The following AUTS2 variants were observed in gnomAD, a reference collection of about 807,000 sequenced individuals.
AUTS2 encodes activator of transcription and developmental regulator AUTS2.
Under a neutral mutation model 112.4 loss-of-function variants are expected in AUTS2, and 17 were observed. That is an observed-to-expected ratio of 0.15 (90% CI 0.10 to 0.23). AUTS2 has a LOEUF of 0.23. AUTS2 is among the 10% of genes least tolerant of loss of function. The pLI is 1.00. For synonymous variants in AUTS2, 751 were observed against 702.7 expected, an observed-to-expected ratio of 1.07 and a Z score of -1.09; for missense variants, 1,510 against 1,701.6, an observed-to-expected ratio of 0.89 and a Z score of 1.98.
At chr7:70,485,158 T>C (rs1428749453) in intron 5 of AUTS2, among the ~76,000 whole-genome samples, 1 of 152,110 alleles carries the variant, frequency 6.6e-6, no homozygotes, top group Middle Eastern at 3.2e-3. Context: ...AAAGAAGTCA[T>C]ATGAAAAAGA....
At position 70,118,226 on chromosome 7, in the gene AUTS2, TC is replaced by T; in HGVS notation, c.618del (p.Ser207ValfsTer39). The T allele has an allele frequency of 6.5e-7, 1 of 1,530,254 alleles. No homozygotes were observed. The highest frequency in any genetic ancestry group is 8.8e-7 in the Non-Finnish European group (1 of 1,142,176). The allele number at this position is 1,530,254 out of a possible 1,614,324, so 94.8% of individuals were successfully genotyped here. ...GFHRSSSRER[L>X]SDSSAPSSLG... ...CACCGGAGCAGCTCTCGGGAAAGGC[TC>T]AGTGATGTAAGTTTAAGTAAAAAAA... is the stretch of plus-strand genomic sequence containing the variant. On this transcript the variant is annotated frameshift_variant, in exon 3 of 19. Coordinates refer to ENST00000342771, the MANE Select transcript of AUTS2 (RefSeq NM_015570.4). LOFTEE classifies it high-confidence loss of function.
chr7:70,195,776 T>A (rs1477895688), intron 4 of AUTS2, among the ~76,000 whole-genome samples: 3 of 152,230 alleles, frequency 2.0e-5, no homozygotes, highest in African/African-American at 7.2e-5. Flanking sequence ...ATCATTTTCC[T>A]ATCGCTTCCT....
intron 1 of AUTS2, among the ~76,000 whole-genome samples, chr7:69,787,714 G>A (rs1789439326): frequency 6.6e-6 from 1 of 152,108 alleles, no homozygotes; most frequent in African/African-American, 2.4e-5. Context: ...ACCATACCCA[G>A]CTAATTTTTG....
At chr7:69,817,364 T>C (rs1469592447) in intron 1 of AUTS2, among the ~76,000 whole-genome samples, 1 of 152,244 alleles carries the variant, frequency 6.6e-6, no homozygotes, top group Non-Finnish European at 1.5e-5. Context: ...CATTCCTTGC[T>C]GAAGGCAGTA....
chr7:70,617,380 T>C (rs1804427738), intron 5 of AUTS2, among the ~76,000 whole-genome samples: 1 of 152,156 alleles, frequency 6.6e-6, no homozygotes, highest in African/African-American at 2.4e-5. Context: ...AAGAAGTTTG[T>C]GGCCGGGCTC....
intron 1 of AUTS2, among the ~76,000 whole-genome samples, chr7:69,788,963 CAT>C (rs1789499055): frequency 6.6e-6 from 1 of 152,108 alleles, no homozygotes; most frequent in Non-Finnish European, 1.5e-5. Context: ...CAACAGGAAA[CAT>C]ATCAGGTTTC....
chr7:69,741,673 C>G (rs1223362244), intron 1 of AUTS2, among the ~76,000 whole-genome samples: 2 of 151,748 alleles, frequency 1.3e-5, no homozygotes, highest in Non-Finnish European at 2.9e-5. Flanking sequence ...CCACTGTACT[C>G]CAGCCTGAGC....
intron 4 of AUTS2, among the ~76,000 whole-genome samples, chr7:70,238,075 T>C (rs959976718): frequency 6.6e-6 from 1 of 152,214 alleles, no homozygotes; most frequent in African/African-American, 2.4e-5. Flanking sequence ...TTAAATTTCC[T>C]GTGGATCCAA....
intron 4 of AUTS2, among the ~76,000 whole-genome samples, chr7:70,195,006 C>G (rs937085714): frequency 6.6e-6 from 1 of 152,182 alleles, no homozygotes; most frequent in Non-Finnish European, 1.5e-5. Context: ...CTGGCTTTCT[C>G]AATATTTCTA....
At chr7:70,233,113 T>C (rs1168538729) in intron 4 of AUTS2, among the ~76,000 whole-genome samples, 1 of 152,244 alleles carries the variant, frequency 6.6e-6, no homozygotes, top group East Asian at 1.9e-4. Context: ...TATTTCATAC[T>C]GGGTTATGGA....
At chr7:69,801,196 T>C (rs565188789) in intron 1 of AUTS2, among the ~76,000 whole-genome samples, 1 of 150,600 alleles carries the variant, frequency 6.6e-6, no homozygotes, top group African/African-American at 2.4e-5. Context: ...TAAAACAATA[T>C]GTTAATTAAT....
intron 5 of AUTS2, among the ~76,000 whole-genome samples, chr7:70,461,742 GTAGGA>G (rs1428596310): frequency 1.3e-5 from 2 of 152,088 alleles, no homozygotes. Flanking sequence ...CAAGGGTGTG[GTAGGA>G]TAGAACCACA....
chr7:70,708,033 G>T (rs549017525), intron 6 of AUTS2, among the ~76,000 whole-genome samples: 1 of 152,242 alleles, frequency 6.6e-6, no homozygotes, highest in South Asian at 2.1e-4. Flanking sequence ...TTTGAAGAGG[G>T]AAATGTCTCA....
chr7:70,468,623 C>T (rs934430242), intron 5 of AUTS2, among the ~76,000 whole-genome samples: 20 of 152,046 alleles, frequency 1.3e-4, no homozygotes, highest in South Asian at 2.1e-4. Context: ...AAATACATTG[C>T]GAAATTTTTA....
intron 2 of AUTS2, among the ~76,000 whole-genome samples, chr7:69,954,951 C>A (rs1034518357): frequency 2.6e-5 from 4 of 152,164 alleles, no homozygotes; most frequent in African/African-American, 9.7e-5. Flanking sequence ...ATCATGATGG[C>A]TGGAACAGCT....
chr7:70,281,969 G>C (rs577556786), intron 4 of AUTS2, among the ~76,000 whole-genome samples: 1 of 152,294 alleles, frequency 6.6e-6, no homozygotes, highest in African/African-American at 2.4e-5. Context: ...ATTGATCAAA[G>C]AGCATAACAT....
chr7:69,782,982 C>T (rs963813212), intron 1 of AUTS2, among the ~76,000 whole-genome samples: 77 of 152,006 alleles, frequency 5.1e-4, no homozygotes, highest in African/African-American at 1.8e-3. Context: ...ACCTCTTACT[C>T]GTACCCAAAT....
At chr7:70,166,418 T>TAA (rs1181698822) in intron 4 of AUTS2, among the ~76,000 whole-genome samples, 1 of 152,228 alleles carries the variant, frequency 6.6e-6, no homozygotes, top group African/African-American at 2.4e-5. Flanking sequence ...TATAACATGT[T>TAA]AAAATAAAAT....
intron 3 of AUTS2, among the ~76,000 whole-genome samples, chr7:70,126,259 A>T (rs1228391226): frequency 6.6e-6 from 1 of 152,098 alleles, no homozygotes; most frequent in Admixed American, 6.6e-5. Flanking sequence ...TCTCTACTAA[A>T]ACTACAAATA....
Sources: gnomAD v4.1 joint callset for allele counts (sites outside exome capture counted in the v4.1 genomes callset) on GRCh38, gnomAD v4.1.1 for gene constraint, MANE v1.5 for transcripts, NCBI Gene and HGNC (gene_info 2026-07-23, HGNC 2026-07-21) for gene names.